AHCTF1: variants seen among roughly 807,000 people sequenced by gnomAD.
AHCTF1 encodes the protein AT-hook containing transcription factor 1.
In AHCTF1, 24 loss-of-function variants were observed where a neutral mutation model predicts 248.4. The ratio of observed to expected loss-of-function variants is 0.10; its 90% confidence interval spans 0.07 to 0.14. The LOEUF (loss-of-function observed/expected upper bound fraction) is 0.14. Among genes scored for constraint, AHCTF1 ranks in the 10% least tolerant of loss-of-function variants. The pLI is 1.00. For synonymous variants in AHCTF1, 786 were observed against 929.8 expected (o/e 0.85, Z 2.81); for missense variants, 2,206 against 2,636.2 (o/e 0.84, Z 3.57).
Position 246,930,598 on chromosome 1 carries a change from A to AGG in AHCTF1, c.-8+978_-8+979dup, listed in dbSNP as rs56224319. On this transcript the variant is annotated intron_variant, in intron 1 of 35. Transcript: ENST00000648844. ...CAAAAAAACAGTTTAAAAAAAAAAA[A>AGG]GGGGGGGTCTCGCCATGTTGCTCAG... is the stretch of plus-strand genomic sequence containing the variant. Among the ~76,000 whole-genome samples, 96 of 148,702 alleles carry AGG rather than the reference A, an allele frequency of 6.5e-4. No individual in the cohort carries two copies. In the East Asian group the frequency reaches 0.014, roughly 22 times the overall value.
chr1:246,859,678 C>T (rs150772980), intron 29 of AHCTF1, among the ~76,000 whole-genome samples: 163 of 152,232 alleles, frequency 1.1e-3, no homozygotes, highest in African/African-American at 3.6e-3. Context: ...TGGGTCCAAG[C>T]GATCCTCCCC....
At chr1:246,898,032 G>A (rs185852705) in intron 12 of AHCTF1, among the ~76,000 whole-genome samples, 176 bp downstream of exon 12, 77 of 152,170 alleles carry the variant, frequency 5.1e-4, no homozygotes, top group African/African-American at 1.8e-3. Flanking sequence ...TGGCCTATTG[G>A]GTATTAGGAA....
In AHCTF1 at chr1:246,840,792, A is replaced by G. The variant is rs1229728675; in HGVS notation, c.*14T>C. ...ACTTTACAAATAGGTGTACATTAAAATCTTCCCAAGAAATTACAGCATTTT... is the reference window on the plus strand; with the variant it reads ...ACTTTACAAATAGGTGTACATTAAAGTCTTCCCAAGAAATTACAGCATTTT... On this transcript the variant is annotated 3_prime_UTR_variant, in exon 36 of 36. Coordinates refer to ENST00000648844, the MANE Select transcript of AHCTF1 (RefSeq NM_001323342.2). The G allele has an allele frequency of 6.3e-7, 1 of 1,590,858 alleles. No homozygotes were observed.
In AHCTF1 at chr1:246,898,079, G is replaced by C. The variant is rs1320379370; in HGVS notation, c.1623+129C>G. On this transcript the variant is annotated intron_variant, in intron 12 of 35. Transcript: ENST00000648844. ...AACCAAACCTAAGACCACAACTGCT[G>C]ATCACCCAGAGTCAGCATTACACTA... The C allele has an allele frequency of 2.3e-6, 3 of 1,298,256 alleles. No homozygotes were observed. In the East Asian group the frequency reaches 7.3e-5, roughly 32 times the overall value. 80.4% of individuals were successfully genotyped at this position (1,298,256 alleles called of 1,614,324 possible). A position where few individuals can be genotyped will look rare whatever the true frequency, so the allele number is the denominator to read the frequency against.
intron 33 of AHCTF1, among the ~76,000 whole-genome samples, chr1:246,847,521 G>T (rs1660368877): frequency 6.6e-6 from 1 of 152,076 alleles, no homozygotes; most frequent in Non-Finnish European, 1.5e-5. Flanking sequence ...GTTTTGAGAC[G>T]TGGTCTTGCT....
chr1:246,855,642 C>A, intron 31 of AHCTF1, 88 bp downstream of exon 31: 1 of 1,038,954 alleles, frequency 9.6e-7, no homozygotes, highest in South Asian at 1.6e-5. Flanking sequence ...CTGAATAACA[C>A]AATAGATTAT....
rs1250355222 is a variant in AHCTF1, at chr1:246,851,066, C to T, written c.4940G>A (p.Ser1647Asn). The change falls in exon 33 of 36, where the codon AGT (serine) becomes AAT (asparagine). Residue 1647 changes from serine (S) to asparagine (N), a missense_variant. Around this residue, in one of 6 missense-constraint regions of AHCTF1, gnomAD observed 955 missense variants for 1,055.6 expected, o/e 0.90. Coordinates refer to ENST00000648844, the MANE Select transcript of AHCTF1 (RefSeq NM_001323342.2). ...GTCTACTTTTTGGGACTTTTGGTCA[C>T]TAGTTACGGCAGATGGCAAATTTGC... ...QIANLPSAVTSDQKSQKVDTL... is the reference protein window; with the variant it reads ...QIANLPSAVTNDQKSQKVDTL... 1 of 1,613,926 alleles carries T rather than the reference C, an allele frequency of 6.2e-7. No individual in the cohort carries two copies. Among genetic ancestry groups the T allele is most frequent in the South Asian group, 1.1e-5 (1 of 91,068 alleles).
chr1:246,930,342 T>A (rs1168423443), intron 1 of AHCTF1, among the ~76,000 whole-genome samples: 2 of 151,946 alleles, frequency 1.3e-5, no homozygotes, highest in African/African-American at 4.8e-5. Context: ...TTTTTCAAGA[T>A]AATTATTGTT....
intron 21 of AHCTF1, among the ~76,000 whole-genome samples, chr1:246,884,065 A>T (rs909156400): frequency 1.3e-5 from 2 of 152,156 alleles, no homozygotes; most frequent in Non-Finnish European, 2.9e-5. Context: ...GGTACATGCA[A>T]ATGAAAAAAA....
chr1:246,923,810 G>C (rs1666746059), intron 1 of AHCTF1, among the ~76,000 whole-genome samples: 1 of 152,176 alleles, frequency 6.6e-6, no homozygotes, highest in South Asian at 2.1e-4. Flanking sequence ...ACAAAATCCA[G>C]AGAATTCTAA....
At chr1:246,858,050 C>T (rs1448384056) in intron 29 of AHCTF1, among the ~76,000 whole-genome samples, 1 of 151,490 alleles carries the variant, frequency 6.6e-6, no homozygotes, top group Non-Finnish European at 1.5e-5. Context: ...AGCTCTGCCT[C>T]CCAGGTTCAC....
chr1:246,904,610 T>G (rs1344176951), intron 6 of AHCTF1, among the ~76,000 whole-genome samples: 1 of 152,116 alleles, frequency 6.6e-6, no homozygotes, highest in Non-Finnish European at 1.5e-5. Context: ...GGGAAAAAAT[T>G]TTTTTAAAAT....
At chr1:246,853,368 A>G in intron 31 of AHCTF1, 69 bp from the exon 32 acceptor site, 1 of 1,296,692 alleles carries the variant, frequency 7.7e-7, no homozygotes, top group Non-Finnish European at 1.1e-6. Flanking sequence ...GGAAGCAAAC[A>G]GAAAGGAAAA....
intron 33 of AHCTF1, among the ~76,000 whole-genome samples, chr1:246,844,718 T>TAACA (rs925568822): frequency 1.3e-5 from 2 of 151,614 alleles, no homozygotes; most frequent in African/African-American, 2.4e-5. Flanking sequence ...AGTGAAAAGC[T>TAACA]AACAGGAAGA....
At chr1:246,868,631 GTTATTC>G (rs1049736743) in intron 24 of AHCTF1, among the ~76,000 whole-genome samples, 19 of 141,878 alleles carry the variant, frequency 1.3e-4, no homozygotes, top group Non-Finnish European at 2.4e-4. Flanking sequence ...AAAAAAAAAA[GTTATTC>G]TTTGTGTTTT....
At chr1:246,914,349 G>T (rs1410349500) in intron 3 of AHCTF1, among the ~76,000 whole-genome samples, 1 of 152,092 alleles carries the variant, frequency 6.6e-6, no homozygotes, top group East Asian at 1.9e-4. Flanking sequence ...GAATGTTCTG[G>T]CAAGAAAAGA....
At chr1:246,879,467 C>A (rs1043290057) in intron 21 of AHCTF1, among the ~76,000 whole-genome samples, 21 of 152,234 alleles carry the variant, frequency 1.4e-4, no homozygotes, top group African/African-American at 4.8e-4. Context: ...CGTGGTTACT[C>A]ATCATAGCAT....
At chr1:246,911,407 T>A (rs1279889595) in intron 4 of AHCTF1, among the ~76,000 whole-genome samples, 2 of 151,604 alleles carry the variant, frequency 1.3e-5, no homozygotes, top group Non-Finnish European at 2.9e-5. Context: ...AAACTTCACA[T>A]AAAAATTTTA....
intron 26 of AHCTF1, 46 bp downstream of exon 26, chr1:246,867,198 T>C: frequency 5.1e-6 from 5 of 987,486 alleles, no homozygotes; most frequent in Non-Finnish European, 6.0e-6. Context: ...CAATTGTAAC[T>C]ATCATCTAAC....
Sources: allele counts gnomAD v4.1 joint callset (sites outside exome capture counted in the v4.1 genomes callset), GRCh38; gene constraint gnomAD v4.1.1; regional missense constraint gnomAD v4.1.1; transcripts MANE v1.5; gene names NCBI Gene and HGNC (gene_info 2026-07-23, HGNC 2026-07-21).